ANK2: variants seen among roughly 807,000 people sequenced by gnomAD.
The protein encoded by ANK2 is ankyrin-2.
A neutral mutation model predicts 360.5 loss-of-function variants in ANK2; 83 were observed. The observed-to-expected ratio is 0.23, with a 90% CI of 0.19 to 0.28. The LOEUF (loss-of-function observed/expected upper bound fraction) is 0.28. ANK2 is among the 10% of genes least tolerant of loss of function. The probability of loss-of-function intolerance (pLI) is 1.00; values close to 1 mark genes in which losing one functional copy is unlikely to be tolerated. For synonymous variants in ANK2, 1,740 were observed against 1,759.5 expected, an observed-to-expected ratio of 0.99 and a Z score of 0.28; for missense variants, 4,201 against 4,795.7, an observed-to-expected ratio of 0.88 and a Z score of 3.66.
At chr4:112,904,077 CTT>C (rs1459828092) in intron 1 of ANK2, among the ~76,000 whole-genome samples, 1 of 152,206 alleles carries the variant, frequency 6.6e-6, no homozygotes, top group African/African-American at 2.4e-5. Flanking sequence ...ATTTAATACT[CTT>C]TGGTCAGCAA....
At chr4:113,265,034 G>A (rs755402474) in intron 14 of ANK2, 39 bp downstream of exon 14, 45 of 1,532,594 alleles carry the variant, frequency 2.9e-5, no homozygotes, top group Admixed American at 1.8e-4. Context: ...CTATCGCAGC[G>A]CATGAGTTTC....
intron 3 of ANK2, 54 bp from the exon 4 acceptor site, chr4:113,198,957 T>C: frequency 6.8e-7 from 1 of 1,475,932 alleles, no homozygotes; most frequent in Non-Finnish European, 9.5e-7. Flanking sequence ...CACATTTTGA[T>C]TTCTGCAAAA....
At chr4:113,002,917 C>T (rs1335259268) in intron 2 of ANK2, among the ~76,000 whole-genome samples, 2 of 152,214 alleles carry the variant, frequency 1.3e-5, no homozygotes, top group Non-Finnish European at 2.9e-5. Flanking sequence ...TCTGTACAGA[C>T]TCTTGCCCAT....
At chr4:113,360,943 G>A (rs1264024840) in intron 39 of ANK2, 46 bp downstream of exon 39, 2 of 1,499,428 alleles carry the variant, frequency 1.3e-6, no homozygotes, top group Admixed American at 1.7e-5. Context: ...TGACATAGAT[G>A]CATCAGTCAG....
chr4:112,784,768 G>A, the ANK2 span, among the ~76,000 whole-genome samples: 13 of 152,220 alleles, frequency 8.5e-5, no homozygotes, highest in East Asian at 2.5e-3. Flanking sequence ...AAAATGCAGA[G>A]CAAATCATCT....
At position 113,191,329 on chromosome 4, in the gene ANK2, G is replaced by A. The variant is rs148984729; in HGVS notation, c.187-5039G>A. Reference sequence around the variant, plus strand: ...CACTGCATTCCAACCTGGACAACAAGAGCAAAATTCCATCTCAAAAAATTA... The same window carrying A: ...CACTGCATTCCAACCTGGACAACAAAAGCAAAATTCCATCTCAAAAAATTA... On this transcript the variant is annotated intron_variant, in intron 2 of 45. Coordinates refer to ENST00000357077, the MANE Select transcript of ANK2 (RefSeq NM_001148.6). 3.8e-3 allele frequency among the ~76,000 whole-genome samples: 580 copies of A among 152,100 alleles called. 3 individuals carry two copies. Among genetic ancestry groups the A allele is most frequent in the African/African-American group, 0.013 (549 of 41,504 alleles).
intron 18 of ANK2, among the ~76,000 whole-genome samples, chr4:113,284,363 T>C (rs572405311): frequency 1.2e-4 from 18 of 152,318 alleles, no homozygotes; most frequent in African/African-American, 3.8e-4. Flanking sequence ...TAAATCTTCA[T>C]TTGAAAATCA....
intron 2 of ANK2, among the ~76,000 whole-genome samples, chr4:112,987,446 A>T (rs1578406252): frequency 6.6e-6 from 1 of 152,140 alleles, no homozygotes; most frequent in African/African-American, 2.4e-5. Flanking sequence ...TGAATTCCTG[A>T]TCTGCCTTTG....
intron 26 of ANK2, among the ~76,000 whole-genome samples, chr4:113,321,464 A>C (rs2086209976): frequency 6.6e-6 from 1 of 152,224 alleles, no homozygotes; most frequent in Non-Finnish European, 1.5e-5. Flanking sequence ...GTGTTTCAAC[A>C]AACACAATGC....
intron 1 of ANK2, chr4:113,106,789 T>C: frequency 2.4e-6 from 1 of 421,804 alleles, no homozygotes; most frequent in East Asian, 6.2e-5. Flanking sequence ...TTCATAGGTG[T>C]GCCAAGCTGA....
chr4:112,933,339 A>T (rs1160519365), intron 2 of ANK2, among the ~76,000 whole-genome samples: 1 of 152,220 alleles, frequency 6.6e-6, no homozygotes, highest in Non-Finnish European at 1.5e-5. Flanking sequence ...ATTTTTCAAA[A>T]TAAAAAATTA....
At chr4:113,381,407 C>T (rs762322579) in intron 45 of ANK2, 50 bp from the exon 46 acceptor site, 14 of 1,606,396 alleles carry the variant, frequency 8.7e-6, no homozygotes, top group East Asian at 2.2e-5. Flanking sequence ...CTAACAGCTG[C>T]CCTCTGGCAG....
intron 2 of ANK2, among the ~76,000 whole-genome samples, chr4:112,985,499 G>C (rs1270025592): frequency 6.6e-6 from 1 of 152,132 alleles, no homozygotes; most frequent in African/African-American, 2.4e-5. Context: ...ACAGAAAGAG[G>C]CTGCTTCTTA....
chr4:113,141,199 A>G (rs1297085874), intron 1 of ANK2: 1 of 152,180 alleles, frequency 6.6e-6, no homozygotes, highest in African/African-American at 2.4e-5. Flanking sequence ...AGGTGGAATA[A>G]GAGTGAAATG....
chr4:112,856,035 C>T (rs889487149), intron 1 of ANK2, among the ~76,000 whole-genome samples: 1 of 152,110 alleles, frequency 6.6e-6, no homozygotes, highest in African/African-American at 2.4e-5. Context: ...TTCTGTTTGG[C>T]TTGCTCATTT....
chr4:112,993,522 G>T (rs550131028), intron 2 of ANK2, among the ~76,000 whole-genome samples: 1 of 152,012 alleles, frequency 6.6e-6, no homozygotes, highest in Non-Finnish European at 1.5e-5. Context: ...TGGCCAGGCT[G>T]GTCTTGAACT....
At position 113,365,149 on chromosome 4, in the gene ANK2, A is replaced by G. The variant is rs1476966675; in HGVS notation, c.10999A>G (p.Ile3667Val). 4 of 1,613,800 alleles carry G rather than the reference A, an allele frequency of 2.5e-6. No individual in the cohort carries two copies. The highest frequency in any genetic ancestry group is 3.4e-6 in the Non-Finnish European group (4 of 1,179,924). Residue 3667 changes from isoleucine to valine, a missense_variant, in exon 41 of 46, where the codon ATT becomes GTT. Ile to Val is a conservative substitution (Grantham distance 29, BLOSUM62 3). This residue lies in a region of ANK2 where 2,642 missense variants were observed against 2,714.5 expected (regional missense o/e 0.97). Coordinates refer to ENST00000357077, the MANE Select transcript of ANK2 (RefSeq NM_001148.6). ...GCGCATCAGTCATAGTTATGCAGAAATTGAACAGACCATTACACTGGATCA... is the reference window on the plus strand; with the variant it reads ...GCGCATCAGTCATAGTTATGCAGAAGTTGAACAGACCATTACACTGGATCA... ...QERISHSYAE[I>V]EQTITLDHSE...
intron 1 of ANK2, among the ~76,000 whole-genome samples, chr4:113,070,652 C>G (rs2077217106): frequency 6.6e-6 from 1 of 152,034 alleles, no homozygotes; most frequent in Admixed American, 6.6e-5. Flanking sequence ...ATCCAACACT[C>G]TTTATTTTGT....
chr4:112,757,866 G>T, the ANK2 span, among the ~76,000 whole-genome samples: 2 of 148,772 alleles, frequency 1.3e-5, no homozygotes, highest in East Asian at 4.1e-4. Flanking sequence ...ATTTTGGGTT[G>T]TAATCCTTCT....
Sources: allele counts gnomAD v4.1 joint callset (sites outside exome capture counted in the v4.1 genomes callset), GRCh38; gene constraint gnomAD v4.1.1; regional missense constraint gnomAD v4.1.1; transcripts MANE v1.5; gene names NCBI Gene and HGNC (gene_info 2026-07-23, HGNC 2026-07-21).